ZNF737: variants seen among roughly 807,000 people sequenced by gnomAD.
ZNF737 encodes the protein zinc finger protein 102 (Y3).
Under a neutral mutation model 11.7 loss-of-function variants are expected in ZNF737, and 13 were observed. That is an observed-to-expected ratio of 1.11 (90% CI 0.73 to 1.77). ZNF737 has a LOEUF of 1.77. Among genes scored for constraint, ZNF737 ranks in the 40% most tolerant of loss-of-function variants. The pLI is 0.00. For missense variants in ZNF737, 636 were observed against 638.0 expected (o/e 1.00, Z 0.03); for synonymous variants, 217 against 216.2 (o/e 1.00, Z -0.03).
At chr19:20,548,953 A>G (rs1968554631) in intron 3 of ZNF737, among the ~76,000 whole-genome samples, 2 of 111,560 alleles carry the variant, frequency 1.8e-5, no homozygotes, top group South Asian at 5.7e-4. Flanking sequence ...TTTTTTTTAA[A>G]GAAAAACTGA....
At chr19:20,561,602 C>A (rs560356632) in intron 1 of ZNF737, among the ~76,000 whole-genome samples, 1 of 152,038 alleles carries the variant, frequency 6.6e-6, no homozygotes, top group East Asian at 1.9e-4. Context: ...CCAGGCCAGA[C>A]TTCTGTGATA....
chr19:20,531,981 T>A (rs1300697199), downstream of ZNF737, among the ~76,000 whole-genome samples: 3 of 150,358 alleles, frequency 2.0e-5, no homozygotes, highest in African/African-American at 7.4e-5. Flanking sequence ...TTTCTTTTGC[T>A]AAATAACATG....
chr19:20,553,210 T>C (rs529855452), intron 2 of ZNF737, among the ~76,000 whole-genome samples: 18 of 152,116 alleles, frequency 1.2e-4, no homozygotes, highest in Non-Finnish European at 2.6e-4. Flanking sequence ...ACCTCACAAA[T>C]ATGGAAAATT....
intron 3 of ZNF737, among the ~76,000 whole-genome samples, chr19:20,547,100 G>A (rs1422199684): frequency 6.6e-6 from 1 of 152,020 alleles, no homozygotes; most frequent in South Asian, 2.1e-4. Context: ...ACAGTAACAT[G>A]GCCAGGCATG....
intron 1 of ZNF737, among the ~76,000 whole-genome samples, chr19:20,563,486 CTTTTTTTT>C (rs59511067): frequency 5.7e-5 from 7 of 123,676 alleles, no homozygotes; most frequent in Non-Finnish European, 1.2e-4. Context: ...GAAGTGCTTA[CTTTTTTTT>C]TTTTTTTTTT....
At chr19:20,552,317 G>A (rs1968705467) in intron 3 of ZNF737, among the ~76,000 whole-genome samples, 158 bp downstream of exon 3, 3 of 128,624 alleles carry the variant, frequency 2.3e-5, no homozygotes, top group African/African-American at 8.8e-5. Context: ...CTTTATAAGA[G>A]CAAAATTTAA....
Position 20,542,147 on chromosome 19 carries a change from G to A in ZNF737, c.*2445C>T. 2 of 985,148 alleles carry A rather than the reference G, an allele frequency of 2.0e-6. No homozygotes were observed. The highest frequency in any genetic ancestry group is 1.2e-6 in the Non-Finnish European group (1 of 829,776). 61.0% of individuals were successfully genotyped at this position (985,148 alleles called of 1,614,324 possible). The stretch of plus-strand genomic sequence containing the variant: ...CCTTGAGTAAAGTGGGATACAGTTA[G>A]TGGCACAATAATGGTTCATTAAACG... On this transcript the variant is annotated 3_prime_UTR_variant, in exon 4 of 4. Coordinates refer to ENST00000427401, the MANE Select transcript of ZNF737 (RefSeq NM_001159293.2).
chr19:20,559,173 G>A (rs1265809802), intron 1 of ZNF737, among the ~76,000 whole-genome samples: 3 of 152,092 alleles, frequency 2.0e-5, no homozygotes, highest in Non-Finnish European at 4.4e-5. Flanking sequence ...AGCAAAAATT[G>A]ACAAATGGGA....
At chr19:20,558,280 CA>C (rs35879543) in intron 1 of ZNF737, among the ~76,000 whole-genome samples, 27 of 142,680 alleles carry the variant, frequency 1.9e-4, no homozygotes, top group Admixed American at 2.8e-4. Context: ...GACTCCGTCT[CA>C]AAAAAAAAAA....
At chr19:20,557,343 C>T (rs2562618) in intron 1 of ZNF737, among the ~76,000 whole-genome samples, 36,094 of 152,004 alleles carry the variant, frequency 0.24, 4,367 homozygotes, top group South Asian at 0.33. Flanking sequence ...AGCAAGACTA[C>T]AAGATAGGGT....
At position 20,560,374 on chromosome 19, in the gene ZNF737, A is replaced by G. The variant is rs185296666; in HGVS notation, c.3+5264T>C. The stretch of plus-strand genomic sequence containing the variant: ...AAAAATAAAATGAAATAAAAGATTT[A>G]GTCAAAATAAAATATGGTATATAAA... On this transcript the variant is annotated intron_variant, in intron 1 of 3. Coordinates refer to ENST00000427401, the MANE Select transcript of ZNF737 (RefSeq NM_001159293.2). 2.6e-5 allele frequency among the ~76,000 whole-genome samples: 4 copies of G among 152,084 alleles called. No individual in the cohort carries two copies. The East Asian group carries it at 7.8e-4, about 30-fold the overall frequency.
chr19:20,544,043 G>C lies in ZNF737; in HGVS notation c.*549C>G, dbSNP rs868993753. 2 of 759,912 alleles carry C rather than the reference G, an allele frequency of 2.6e-6. No individual in the cohort carries two copies. The highest frequency in any genetic ancestry group is 1.9e-5 in the African/African-American group (1 of 52,242). The allele number at this position is 759,912 out of a possible 1,614,324, so 47.1% of individuals were successfully genotyped here. On this transcript the variant is annotated 3_prime_UTR_variant, in exon 4 of 4. Transcript: ENST00000427401. ...CTCAGGAAGCTGAGGTAGGAGAATG[G>C]CTTAAACCCAGGAGGCAGAGGTTGC...
downstream of ZNF737, among the ~76,000 whole-genome samples, chr19:20,530,863 G>A (rs1422573283): frequency 5.4e-5 from 8 of 148,314 alleles, no homozygotes; most frequent in Admixed American, 1.3e-4. Context: ...GCACTTTGGG[G>A]GGCCAAGGCA....
At chr19:20,535,978 T>A (rs1967950915), downstream of ZNF737, 1 of 716,994 alleles carries the variant, frequency 1.4e-6, no homozygotes, top group African/African-American at 1.9e-5. Flanking sequence ...GGGGTTATAT[T>A]TTCTTTTATT....
chr19:20,547,298 A>C (rs1027534417), intron 3 of ZNF737, among the ~76,000 whole-genome samples: 1 of 149,958 alleles, frequency 6.7e-6, no homozygotes, highest in Non-Finnish European at 1.5e-5. Context: ...GGAGAATGGC[A>C]TGAACCTGGG....
At chr19:20,552,987 G>C (rs955854191) in intron 2 of ZNF737, among the ~76,000 whole-genome samples, 1 of 150,898 alleles carries the variant, frequency 6.6e-6, no homozygotes, top group African/African-American at 2.4e-5. Flanking sequence ...ACTCCAGCCT[G>C]GGTGACAGAG....
Position 20,544,668 on chromosome 19 carries a change from T to G in ZNF737, c.1535A>C (p.Glu512Ala), listed in dbSNP as rs1555755937. ...IHTGEKPYKC[E>A]ECGKGFKCPS... The stretch of plus-strand genomic sequence containing the variant: ...GCACTTAAAGCCTTTGCCACATTCT[T>G]CACATTTGTAGGGTTTCTCTCCAGT... The change falls in exon 4 of 4, where the codon GAA becomes GCA. Residue 512 changes from glutamate (E) to alanine (A), a missense_variant. Glu to Ala is a moderately radical substitution (Grantham distance 107). Coordinates refer to ENST00000427401, the MANE Select transcript of ZNF737 (RefSeq NM_001159293.2). 1 of 1,607,084 alleles carries G rather than the reference T, an allele frequency of 6.2e-7. No homozygotes were observed. Among genetic ancestry groups the G allele is most frequent in the South Asian group, 1.1e-5 (1 of 90,340 alleles).
chr19:20,542,671 ATTACT>A lies in ZNF737; in HGVS notation c.*1916_*1920del, dbSNP rs1373712187. On this transcript the variant is annotated 3_prime_UTR_variant, in exon 4 of 4. Transcript: ENST00000427401. ...ATTGCTCTGAACATTTACGTTATAC[ATTACT>A]TAATAGAATTTTACTACAAACAGCT... is the stretch of plus-strand genomic sequence containing the variant. 7.1e-6 allele frequency: 7 copies of A among 983,180 alleles called. No homozygotes were observed. The African/African-American group carries it at 1.2e-4, about 17-fold the overall frequency. 60.9% of individuals were successfully genotyped at this position (983,180 alleles called of 1,614,324 possible). A position where few individuals can be genotyped will look rare whatever the true frequency, so the allele number is the denominator to read the frequency against.
At chr19:20,530,371 C>T in the ZNF737 span, among the ~76,000 whole-genome samples, 5 of 147,842 alleles carry the variant, frequency 3.4e-5, 1 homozygote, top group Middle Eastern at 3.3e-3. Context: ...TGACCCCCCA[C>T]CTCCCTCCCG....
Sources: allele counts gnomAD v4.1 joint callset (sites outside exome capture counted in the v4.1 genomes callset), GRCh38; gene constraint gnomAD v4.1.1; transcripts MANE v1.5; gene names NCBI Gene and HGNC (gene_info 2026-07-23, HGNC 2026-07-21).